The following LAMA2 variants were observed in gnomAD, a reference collection of about 807,000 sequenced individuals.
The protein encoded by LAMA2 is laminin subunit alpha 2, also known as laminin subunit alpha-2.
LAMA2 carries 269 observed loss-of-function variants against 364.8 expected under a neutral mutation model. The ratio of observed to expected loss-of-function variants is 0.74; its 90% CI spans 0.67 to 0.82. The LOEUF is 0.82. Among genes scored for constraint, LAMA2 ranks in the 40% least tolerant of loss-of-function variants. The pLI is 0.00. For synonymous variants in LAMA2, 1,379 were observed against 1,370.6 expected, an observed-to-expected ratio of 1.01 and a Z score of -0.14; for missense variants, 3,807 against 3,873.2, an observed-to-expected ratio of 0.98 and a Z score of 0.45.
At chr6:129,095,727 A>G (rs1334196998) in intron 3 of LAMA2, among the ~76,000 whole-genome samples, 7 of 147,828 alleles carry the variant, frequency 4.7e-5, no homozygotes, top group African/African-American at 1.8e-4. Context: ...CCTTACCAAT[A>G]TGGTGAAACT....
chr6:129,344,908 G>A (rs887198559), intron 30 of LAMA2, among the ~76,000 whole-genome samples: 1 of 152,166 alleles, frequency 6.6e-6, no homozygotes. Flanking sequence ...CACTGGCTTC[G>A]GAGAAAAGAA....
At chr6:129,059,742 A>G (rs767786475) in intron 2 of LAMA2, 42 bp from the exon 3 acceptor site, 1 of 1,224,968 alleles carries the variant, frequency 8.2e-7, no homozygotes, top group Non-Finnish European at 1.2e-6. Flanking sequence ...TAGTTATATG[A>G]TCTTTTCTTC....
chr6:129,344,646 C>G (rs949039575), intron 30 of LAMA2, among the ~76,000 whole-genome samples: 1 of 151,522 alleles, frequency 6.6e-6, no homozygotes, highest in African/African-American at 2.4e-5. Flanking sequence ...TTATCCAAGG[C>G]GAGTATATAG....
At position 128,922,780 on chromosome 6, in the gene LAMA2, G is replaced by A. The variant is rs1217241128; in HGVS notation, c.112+39423G>A. 4.0e-5 allele frequency among the ~76,000 whole-genome samples: 6 copies of A among 151,666 alleles called. No homozygotes were observed. The East Asian group carries it at 9.7e-4, about 24-fold the overall frequency. On this transcript the variant is annotated intron_variant, in intron 1 of 64. Transcript: ENST00000421865. ...TTGGTGTTTTAGACATGAAGTCTTT[G>A]CCCATGCCTATGTCCTGAATGGTAA...
intron 11 of LAMA2, among the ~76,000 whole-genome samples, chr6:129,190,761 G>A (rs1157392765): frequency 2.0e-5 from 3 of 152,082 alleles, no homozygotes; most frequent in East Asian, 1.9e-4. Context: ...ATCCACCAAC[G>A]CTTTAGTTAC....
intron 3 of LAMA2, among the ~76,000 whole-genome samples, chr6:129,089,260 C>T (rs1187107333): frequency 6.6e-6 from 1 of 152,236 alleles, no homozygotes; most frequent in Non-Finnish European, 1.5e-5. Context: ...TAACATTATA[C>T]TTCTAACACT....
At position 129,066,038 on chromosome 6, in the gene LAMA2, G is replaced by GTATGTCTTTTTTTTTTT. The variant is rs59543848; in HGVS notation, c.396+6143_396+6144insATGTCTTTTTTTTTTTT. On this transcript the variant is annotated intron_variant, in intron 3 of 64. Coordinates refer to ENST00000421865, the MANE Select transcript of LAMA2 (RefSeq NM_000426.4). ...TCTTTTGTAAATTGCCCAGTCTCAGGTTTTTTTTTTTTTTTTTTTTTTTTT... is the reference window on the plus strand; with the variant it reads ...TCTTTTGTAAATTGCCCAGTCTCAGGTATGTCTTTTTTTTTTTTTTTTTTTTTTTTTTTTTTTTTTTT... Among the ~76,000 whole-genome samples the GTATGTCTTTTTTTTTTT allele has an allele frequency of 1.6e-3, 58 of 37,118 alleles. 11 individuals are homozygous for GTATGTCTTTTTTTTTTT. The highest frequency in any genetic ancestry group is 4.3e-3 in the African/African-American group (50 of 11,704). The allele number at this position is 37,118 out of a possible 152,430, so 24.4% of individuals were successfully genotyped here.
chr6:129,233,619 A>G (rs897186107), intron 12 of LAMA2, among the ~76,000 whole-genome samples: 2 of 152,130 alleles, frequency 1.3e-5, no homozygotes, highest in African/African-American at 2.4e-5. Context: ...AGGAGGAGGA[A>G]GAAGAGGAGG....
chr6:129,260,700 C>G lies in LAMA2; in HGVS notation c.2097-11C>G, dbSNP rs1214795746. ...TTACTTATTCACCATCTCTTTTTTC[C>G]TCTGCCATAGGTTGAGCTCTGTTAA... On this transcript the variant is annotated splice_polypyrimidine_tract_variant and intron_variant, in intron 14 of 64. Transcript: ENST00000421865. The G allele has an allele frequency of 6.5e-7, 1 of 1,539,542 alleles. No individual in the cohort carries two copies. The highest frequency in any genetic ancestry group is 2.2e-5 in the East Asian group (1 of 44,518).
chr6:129,261,656 A>G (rs1316847383), intron 15 of LAMA2, among the ~76,000 whole-genome samples: 1 of 152,124 alleles, frequency 6.6e-6, no homozygotes, highest in African/African-American at 2.4e-5. Flanking sequence ...ACTTCAGAAC[A>G]CTACCTCATT....
intron 12 of LAMA2, among the ~76,000 whole-genome samples, chr6:129,241,857 CT>C (rs2115158297): frequency 6.6e-6 from 1 of 152,264 alleles, no homozygotes; most frequent in East Asian, 1.9e-4. Flanking sequence ...TTCACAACCA[CT>C]TTCTACTGCT....
intron 8 of LAMA2, among the ~76,000 whole-genome samples, chr6:129,163,920 A>C (rs895675300): frequency 2.0e-5 from 3 of 152,182 alleles, no homozygotes; most frequent in Non-Finnish European, 4.4e-5. Flanking sequence ...ACTCATTATA[A>C]ACATTGTTTC....
At chr6:129,177,913 A>C in intron 10 of LAMA2, 47 bp downstream of exon 10, 1 of 1,574,948 alleles carries the variant, frequency 6.3e-7, no homozygotes, top group Non-Finnish European at 8.7e-7. Context: ...ACAGAAGGTT[A>C]TTTTTCTTGG....
chr6:129,139,816 A>T (rs1778012936), intron 4 of LAMA2, among the ~76,000 whole-genome samples: 1 of 152,032 alleles, frequency 6.6e-6, no homozygotes, highest in South Asian at 2.1e-4. Context: ...ACACATATGG[A>T]TTTACTGTTC....
chr6:129,009,627 A>G (rs573210447), intron 1 of LAMA2, among the ~76,000 whole-genome samples: 3 of 152,318 alleles, frequency 2.0e-5, no homozygotes, highest in Non-Finnish European at 4.4e-5. Context: ...GGGCCAGAGG[A>G]CAAAAACTGT....
At chr6:129,471,078 T>C (rs1783788906) in intron 51 of LAMA2, among the ~76,000 whole-genome samples, 1 of 151,918 alleles carries the variant, frequency 6.6e-6, no homozygotes, top group Non-Finnish European at 1.5e-5. Context: ...AAAATATTTC[T>C]TAAGTCCCTA....
intron 42 of LAMA2, among the ~76,000 whole-genome samples, chr6:129,439,573 G>A (rs893284024): frequency 1.3e-5 from 2 of 151,912 alleles, no homozygotes; most frequent in African/African-American, 4.8e-5. Flanking sequence ...AAAAACATTA[G>A]TGGTCAAACC....
chr6:129,243,430 G>A (rs1279783630), intron 12 of LAMA2, among the ~76,000 whole-genome samples: 2 of 151,960 alleles, frequency 1.3e-5, no homozygotes, highest in Admixed American at 6.6e-5. Flanking sequence ...AAGAAACACT[G>A]TATATAAATA....
chr6:129,083,719 G>A (rs897013124), intron 3 of LAMA2, among the ~76,000 whole-genome samples: 3 of 152,144 alleles, frequency 2.0e-5, no homozygotes, highest in African/African-American at 7.2e-5. Flanking sequence ...CTCTTGCCAA[G>A]TTGATACTCG....
Sources: gnomAD v4.1 joint callset for allele counts (sites outside exome capture counted in the v4.1 genomes callset) on GRCh38, gnomAD v4.1.1 for gene constraint, MANE v1.5 for transcripts, NCBI Gene and HGNC (gene_info 2026-07-23, HGNC 2026-07-21) for gene names.